TCF7L2: variants seen among roughly 807,000 people sequenced by gnomAD.
TCF7L2 encodes the protein transcription factor 7-like 2.
In TCF7L2, 23 loss-of-function variants were observed where a neutral mutation model predicts 77.9. The observed-to-expected ratio is 0.30, with a 90% CI of 0.21 to 0.42. The LOEUF is 0.42. TCF7L2 is among the 10% of genes least tolerant of loss of function. The probability of loss-of-function intolerance (pLI) is 1.00; values close to 1 mark genes in which losing one functional copy is unlikely to be tolerated. For missense variants in TCF7L2, 654 were observed against 793.1 expected (o/e 0.82, Z 2.11); for synonymous variants, 413 against 340.2 (o/e 1.21, Z -2.36).
chr10:113,104,226 G>A (rs546517083), intron 5 of TCF7L2, among the ~76,000 whole-genome samples: 1 of 152,202 alleles, frequency 6.6e-6, no homozygotes, highest in Non-Finnish European at 1.5e-5. Context: ...GGAACATCAC[G>A]CTGGAGGGGT....
chr10:113,030,916 C>G (rs1403943028), intron 4 of TCF7L2, among the ~76,000 whole-genome samples: 1 of 152,192 alleles, frequency 6.6e-6, no homozygotes, highest in Non-Finnish European at 1.5e-5. Context: ...CTTTTGGTCA[C>G]TATGGAACAA....
At chr10:113,109,142 G>A (rs917534541) in intron 5 of TCF7L2, among the ~76,000 whole-genome samples, 7 of 152,278 alleles carry the variant, frequency 4.6e-5, no homozygotes, top group Admixed American at 3.3e-4. Flanking sequence ...TAGAATTGCC[G>A]CACTGGCATT....
At chr10:113,028,170 C>T (rs1564801382) in intron 4 of TCF7L2, among the ~76,000 whole-genome samples, 1 of 152,156 alleles carries the variant, frequency 6.6e-6, no homozygotes, top group Non-Finnish European at 1.5e-5. Context: ...ACAACTGGGG[C>T]AGAGTCCTGG....
chr10:113,128,322 G>T (rs1465150122), intron 5 of TCF7L2, among the ~76,000 whole-genome samples: 1 of 151,986 alleles, frequency 6.6e-6, no homozygotes, highest in African/African-American at 2.4e-5. Context: ...CCACTTTTTT[G>T]TTATTTTTAA....
At chr10:113,140,877 G>C (rs890314836) in intron 5 of TCF7L2, among the ~76,000 whole-genome samples, 2 of 152,230 alleles carry the variant, frequency 1.3e-5, no homozygotes, top group Non-Finnish European at 2.9e-5. Context: ...CTCCACTTCT[G>C]ACTCACCTGC....
chr10:113,102,147 G>C (rs961836486), intron 5 of TCF7L2, among the ~76,000 whole-genome samples: 8 of 131,762 alleles, frequency 6.1e-5, no homozygotes, highest in Admixed American at 4.0e-4. Context: ...AAAAAAGTGA[G>C]AAAGAATGTG....
chr10:113,089,503 A>T (rs2135617475), intron 5 of TCF7L2: 1 of 1,613,684 alleles, frequency 6.2e-7, no homozygotes, highest in South Asian at 1.1e-5. Flanking sequence ...AAAAGGAGCC[A>T]CTCCTTACAA....
chr10:113,115,337 T>C (rs941914071), intron 5 of TCF7L2, among the ~76,000 whole-genome samples: 2 of 152,250 alleles, frequency 1.3e-5, no homozygotes, highest in African/African-American at 4.8e-5. Flanking sequence ...AAGAATTTCA[T>C]ACCAAATATA....
intron 5 of TCF7L2, among the ~76,000 whole-genome samples, chr10:113,070,269 TTATATA>T (rs34181424): frequency 1.6e-5 from 2 of 124,138 alleles, no homozygotes; most frequent in African/African-American, 3.1e-5. Flanking sequence ...AAAAAAAAAT[TTATATA>T]TATATATATA....
chr10:113,111,656 G>A (rs2136106431), intron 5 of TCF7L2, among the ~76,000 whole-genome samples: 2 of 152,204 alleles, frequency 1.3e-5, no homozygotes, highest in South Asian at 4.1e-4. Context: ...GCCAGGCGTG[G>A]TGGCATGTGC....
At chr10:112,957,071 G>T (rs1423861144) in intron 3 of TCF7L2, among the ~76,000 whole-genome samples, 1 of 152,042 alleles carries the variant, frequency 6.6e-6, no homozygotes, top group African/African-American at 2.4e-5. Flanking sequence ...ATTCAGTGGG[G>T]GCTCTGCACA....
chr10:113,140,665 T>G (rs1261317352), intron 5 of TCF7L2, among the ~76,000 whole-genome samples: 2 of 152,128 alleles, frequency 1.3e-5, no homozygotes, highest in African/African-American at 4.8e-5. Flanking sequence ...GCCCGCTGTT[T>G]CTAAGGGCAG....
chr10:112,950,820 A>C lies in TCF7L2; in HGVS notation c.64A>C (p.Lys22Gln). Reference sequence around the variant, plus strand: ...CGCCAACGACGAACTGATTTCCTTCAAAGACGAGGGCGAACAGGAGGAGAA... The same window carrying C: ...CGCCAACGACGAACTGATTTCCTTCCAAGACGAGGGCGAACAGGAGGAGAA... The change falls in exon 1 of 14, where the codon AAA (lysine) becomes CAA (glutamine). Residue 22 changes from lysine to glutamine, a missense_variant. By Grantham distance (53) the Lys-to-Gln change is moderately conservative (BLOSUM62 1). Transcript: ENST00000627217. 1 of 1,602,804 alleles carries C rather than the reference A, an allele frequency of 6.2e-7. No homozygotes were observed. The highest frequency in any genetic ancestry group is 8.5e-7 in the Non-Finnish European group (1 of 1,173,964).
chr10:112,992,424 A>G (rs2042729772), intron 4 of TCF7L2, among the ~76,000 whole-genome samples: 1 of 152,078 alleles, frequency 6.6e-6, no homozygotes, highest in Non-Finnish European at 1.5e-5. Flanking sequence ...TGGAGGTGAG[A>G]ATCTGTGGGC....
At chr10:112,964,145 T>A (rs1013753162) in intron 3 of TCF7L2, among the ~76,000 whole-genome samples, 5 of 152,126 alleles carry the variant, frequency 3.3e-5, no homozygotes, top group African/African-American at 1.2e-4. Flanking sequence ...CATAATCTTT[T>A]CTCTCCTAAT....
intron 5 of TCF7L2, among the ~76,000 whole-genome samples, chr10:113,071,893 G>A (rs1222083037): frequency 1.3e-5 from 2 of 152,236 alleles, no homozygotes; most frequent in African/African-American, 2.4e-5. Flanking sequence ...GGCTGGCTGG[G>A]ACTGTGGATG....
intron 4 of TCF7L2, among the ~76,000 whole-genome samples, chr10:113,003,936 G>C (rs1406093262): frequency 6.6e-6 from 1 of 152,214 alleles, no homozygotes; most frequent in East Asian, 1.9e-4. Flanking sequence ...TTTGAGTGCA[G>C]AACCTGGCGA....
At chr10:113,107,761 A>AAG (rs1274497235) in intron 5 of TCF7L2, among the ~76,000 whole-genome samples, 2 of 150,510 alleles carry the variant, frequency 1.3e-5, no homozygotes, top group African/African-American at 4.9e-5. Context: ...CTAAAAAAAA[A>AAG]AAAAAAAAAA....
At chr10:113,056,537 G>A (rs1296512099) in intron 5 of TCF7L2, among the ~76,000 whole-genome samples, 1 of 152,118 alleles carries the variant, frequency 6.6e-6, no homozygotes, top group African/African-American at 2.4e-5. Context: ...CATCATGCAA[G>A]TCTGATGCTG....
Sources: gnomAD v4.1 joint callset for allele counts (sites outside exome capture counted in the v4.1 genomes callset) on GRCh38, gnomAD v4.1.1 for gene constraint, MANE v1.5 for transcripts, NCBI Gene and HGNC (gene_info 2026-07-23, HGNC 2026-07-21) for gene names.